Variants in DNAAF9 observed in about 807,000 individuals in gnomAD.
DNAAF9 encodes the protein dynein axonemal assembly factor 9.
In DNAAF9, 90 loss-of-function variants were observed where a neutral mutation model predicts 167.0. That is an observed-to-expected ratio of 0.54 (90% CI 0.45 to 0.64). The LOEUF (loss-of-function observed/expected upper bound fraction) is 0.64. Ranked by LOEUF, DNAAF9 falls within the 30% of genes least tolerant of loss-of-function variation. DNAAF9 has a pLI of 0.00. For synonymous variants in DNAAF9, 491 were observed against 508.8 expected (o/e 0.96, Z 0.47); for missense variants, 1,315 against 1,442.2 (o/e 0.91, Z 1.43).
At chr20:3,395,645 G>A (rs1190726714) in intron 1 of DNAAF9, among the ~76,000 whole-genome samples, 1 of 152,072 alleles carries the variant, frequency 6.6e-6, no homozygotes, top group African/African-American at 2.4e-5. Flanking sequence ...TCTTCTGCTG[G>A]GAATTTGTAT....
At position 3,336,038 on chromosome 20, in the gene DNAAF9, G is replaced by A. The variant is rs145782415; in HGVS notation, c.982-3677C>T. Among the ~76,000 whole-genome samples the A allele has an allele frequency of 9.8e-3, 1,487 of 152,158 alleles. 33 individuals are homozygous for A. The highest frequency in any genetic ancestry group is 0.034 in the African/African-American group (1,431 of 41,514). On this transcript the variant is annotated intron_variant, in intron 10 of 36. Coordinates refer to ENST00000252032, the MANE Select transcript of DNAAF9 (RefSeq NM_001009984.3). ...CTTAGGAGGCTGAGGCATGAGAATTGCTTGAACCCAGGAGGCGGAGATTGC... is the reference window on the plus strand; with the variant it reads ...CTTAGGAGGCTGAGGCATGAGAATTACTTGAACCCAGGAGGCGGAGATTGC...
rs370686893 is a variant in DNAAF9, at chr20:3,293,120, C to T, written c.2238+1019G>A. Among the ~76,000 whole-genome samples, 414 of 151,006 alleles carry T rather than the reference C, an allele frequency of 2.7e-3. 1 individual carries two copies. The highest frequency in any genetic ancestry group is 9.5e-3 in the African/African-American group (390 of 41,212). Reference sequence around the variant, plus strand: ...CATCCTGGCTAACACGGTGAAACCCCGTCTCTACTAAAAATACAAAAAATT... The same window carrying T: ...CATCCTGGCTAACACGGTGAAACCCTGTCTCTACTAAAAATACAAAAAATT... On this transcript the variant is annotated intron_variant, in intron 25 of 36. Coordinates refer to ENST00000252032, the MANE Select transcript of DNAAF9 (RefSeq NM_001009984.3).
At chr20:3,337,440 G>GTTT (rs55881467) in intron 10 of DNAAF9, among the ~76,000 whole-genome samples, 48,324 of 133,740 alleles carry the variant, frequency 0.36, 8,701 homozygotes, top group South Asian at 0.49. Flanking sequence ...CTTTTTTTTT[G>GTTT]TTTTTTTTTT....
chr20:3,301,565 G>A (rs1302802106), intron 21 of DNAAF9, among the ~76,000 whole-genome samples: 1 of 152,092 alleles, frequency 6.6e-6, no homozygotes, highest in Non-Finnish European at 1.5e-5. Flanking sequence ...CATTTCCAGT[G>A]ACTGCACTCT....
chr20:3,393,737 G>A (rs150870887), intron 1 of DNAAF9, among the ~76,000 whole-genome samples: 6 of 152,244 alleles, frequency 3.9e-5, no homozygotes, highest in East Asian at 3.9e-4. Flanking sequence ...AGGTTAAGAG[G>A]TGCCTGCATT....
At chr20:3,360,775 GC>G (rs1357859608) in intron 6 of DNAAF9, among the ~76,000 whole-genome samples, 2 of 152,154 alleles carry the variant, frequency 1.3e-5, no homozygotes, top group African/African-American at 2.4e-5. Context: ...GACCATGAAA[GC>G]CCTGTTTAAA....
chr20:3,315,769 A>T lies in DNAAF9; in HGVS notation c.1556T>A (p.Val519Glu), dbSNP rs760220834. Residue 519 changes from valine (V) to glutamate (E), a missense_variant, in exon 19 of 37, where the codon GTA becomes GAA. Physicochemically the swap from Val to Glu is moderately radical, Grantham distance 121 (BLOSUM62 -2). This residue lies in a region of DNAAF9 where 981 missense variants were observed against 1,012.5 expected (regional missense o/e 0.97). Coordinates refer to ENST00000252032, the MANE Select transcript of DNAAF9 (RefSeq NM_001009984.3). This position sits in a 1 kb window ranked among gnomAD's most constrained non-coding sequence, Gnocchi z 4.1. ...TTGCTGGGTTTTCTCAGACAATTTTACTTCATTATCTTCCACCTGTGTCCA... is the reference window on the plus strand; with the variant it reads ...TTGCTGGGTTTTCTCAGACAATTTTTCTTCATTATCTTCCACCTGTGTCCA... ...FCSWLVEDNE[V>E]KLSEKTQQAV... 1 of 1,613,742 alleles carries T rather than the reference A, an allele frequency of 6.2e-7. No homozygotes were observed. The highest frequency in any genetic ancestry group is 1.3e-5 in the African/African-American group (1 of 75,060).
intron 29 of DNAAF9, 113 bp downstream of exon 29, chr20:3,278,793 TGACCAA>T: frequency 2.5e-6 from 2 of 813,904 alleles, no homozygotes; most frequent in Admixed American, 1.8e-5. Context: ...AAGTTTTTTC[TGACCAA>T]TTTTGTTTGC....
At chr20:3,369,547 T>C (rs2083481523) in intron 6 of DNAAF9, among the ~76,000 whole-genome samples, 1 of 152,244 alleles carries the variant, frequency 6.6e-6, no homozygotes, top group East Asian at 1.9e-4. Context: ...CGGCTACTTT[T>C]CTATTTTTAG....
intron 1 of DNAAF9, among the ~76,000 whole-genome samples, chr20:3,398,235 A>C (rs1265255571): frequency 6.6e-6 from 1 of 152,212 alleles, no homozygotes; most frequent in Non-Finnish European, 1.5e-5. Context: ...GGTAGTGAGA[A>C]GCAGACGAGA....
chr20:3,325,888 T>C lies in DNAAF9; in HGVS notation c.1188+309A>G, dbSNP rs1233463225. ...AATCTAAAGTTGTCTTTTTGGTTTT[T>C]TTTTTTTAGCTTTTAAAAGACTTTT... On this transcript the variant is annotated intron_variant, in intron 13 of 36. Coordinates refer to ENST00000252032, the MANE Select transcript of DNAAF9 (RefSeq NM_001009984.3). Among the ~76,000 whole-genome samples, 8 of 152,304 alleles carry C rather than the reference T, an allele frequency of 5.3e-5. No individual in the cohort carries two copies. The East Asian group carries it at 1.3e-3, about 26-fold the overall frequency.
At position 3,271,641 on chromosome 20, in the gene DNAAF9, G is replaced by C. The variant is rs1300276537; in HGVS notation, c.2651-1079C>G. Among the ~76,000 whole-genome samples the C allele has an allele frequency of 6.3e-5, 9 of 142,812 alleles. No individual in the cohort carries two copies. In the Admixed American group the frequency reaches 6.3e-4, roughly 10 times the overall value. 93.7% of individuals were successfully genotyped at this position (142,812 alleles called of 152,430 possible). On this transcript the variant is annotated intron_variant, in intron 29 of 36. Transcript: ENST00000252032. ...TTACTTCTTCTTTTTTTTTTTTTGA[G>C]ACGGAGTTTCACTCTTGTTGTCCAG... is the stretch of plus-strand genomic sequence containing the variant.
At chr20:3,372,959 C>A (rs1487322724) in intron 6 of DNAAF9, among the ~76,000 whole-genome samples, 1 of 152,208 alleles carries the variant, frequency 6.6e-6, no homozygotes, top group African/African-American at 2.4e-5. Flanking sequence ...AGTTTCTTCT[C>A]TAACCCCTAT....
chr20:3,392,268 C>T (rs2083837423), intron 1 of DNAAF9, among the ~76,000 whole-genome samples: 1 of 152,202 alleles, frequency 6.6e-6, no homozygotes, highest in African/African-American at 2.4e-5. Flanking sequence ...TCACCAATGA[C>T]TTTGTAAGTT....
chr20:3,301,620 A>G (rs2069191217), intron 21 of DNAAF9, among the ~76,000 whole-genome samples: 2 of 152,216 alleles, frequency 1.3e-5, no homozygotes, highest in Admixed American at 1.3e-4. Flanking sequence ...GAGCTATTCC[A>G]GTTCTCCTCT....
At chr20:3,333,998 A>G (rs2069889805) in intron 10 of DNAAF9, among the ~76,000 whole-genome samples, 1 of 152,220 alleles carries the variant, frequency 6.6e-6, no homozygotes, top group Non-Finnish European at 1.5e-5. Flanking sequence ...AGGCTGAATC[A>G]ATTGCGAGCT....
intron 28 of DNAAF9, among the ~76,000 whole-genome samples, chr20:3,279,260 A>G (rs910886214): frequency 2.0e-5 from 3 of 152,174 alleles, no homozygotes; most frequent in Non-Finnish European, 2.9e-5. Flanking sequence ...TTTGAAAGAC[A>G]TATGTTTTTG....
At chr20:3,361,404 T>C (rs1347152377) in intron 6 of DNAAF9, among the ~76,000 whole-genome samples, 1 of 152,058 alleles carries the variant, frequency 6.6e-6, no homozygotes, top group Non-Finnish European at 1.5e-5. Flanking sequence ...CACCCAGCAG[T>C]AGTCCCACAG....
intron 32 of DNAAF9, 136 bp downstream of exon 32, chr20:3,259,785 CA>C (rs1490083790): frequency 1.2e-5 from 8 of 679,590 alleles, no homozygotes; most frequent in Non-Finnish European, 2.1e-5. Context: ...CCACAATCCT[CA>C]AATCCCTCTG....
Sources: allele counts gnomAD v4.1 joint callset (sites outside exome capture counted in the v4.1 genomes callset), GRCh38; gene constraint gnomAD v4.1.1; regional missense constraint gnomAD v4.1.1; non-coding constraint Gnocchi (gnomAD v3.1); transcripts MANE v1.5; gene names NCBI Gene and HGNC (gene_info 2026-07-23, HGNC 2026-07-21).